FRMPD2: variants seen among roughly 807,000 people sequenced by gnomAD.
The protein encoded by FRMPD2 is FERM and PDZ domain containing 2.
Under a neutral mutation model 140.1 loss-of-function variants are expected in FRMPD2, and 96 were observed. That is an observed-to-expected ratio of 0.69 (90% confidence interval 0.58 to 0.81). The LOEUF is 0.81. Among genes scored for constraint, FRMPD2 ranks in the 40% least tolerant of loss-of-function variants. FRMPD2 has a pLI of 0.00. For missense variants in FRMPD2, 1,240 were observed against 1,447.4 expected, an observed-to-expected ratio of 0.86 and a Z score of 2.32; for synonymous variants, 449 against 547.6, an observed-to-expected ratio of 0.82 and a Z score of 2.52.
intron 15 of FRMPD2, among the ~76,000 whole-genome samples, chr10:48,194,349 A>G (rs932518954): frequency 2.0e-5 from 3 of 152,158 alleles, no homozygotes; most frequent in African/African-American, 7.2e-5. Flanking sequence ...CACGCTGGAA[A>G]ATGGGGATGC....
intron 10 of FRMPD2, among the ~76,000 whole-genome samples, chr10:48,225,907 T>C (rs1037716949): frequency 6.6e-6 from 1 of 152,202 alleles, no homozygotes; most frequent in Non-Finnish European, 1.5e-5. Flanking sequence ...TTTATAGGTC[T>C]GAAGGACATG....
At chr10:48,265,212 C>A (rs534458925) in intron 1 of FRMPD2, among the ~76,000 whole-genome samples, 1 of 152,104 alleles carries the variant, frequency 6.6e-6, no homozygotes, top group Non-Finnish European at 1.5e-5. Context: ...TAAAAATAAA[C>A]TCAAAATGGA....
chr10:48,212,301 AAG>A (rs1036737597), intron 12 of FRMPD2, among the ~76,000 whole-genome samples, 192 bp from the exon 13 acceptor site: 11 of 152,176 alleles, frequency 7.2e-5, no homozygotes, highest in African/African-American at 2.7e-4. Flanking sequence ...ATGAACAGAA[AAG>A]AGAGAGTAAA....
At chr10:48,211,656 C>T (rs967394249) in intron 13 of FRMPD2, among the ~76,000 whole-genome samples, 2 of 151,910 alleles carry the variant, frequency 1.3e-5, no homozygotes, top group African/African-American at 4.8e-5. Context: ...GTGGCAGGCG[C>T]CTGTAATCCC....
At chr10:48,228,300 T>C (rs1403736537) in intron 10 of FRMPD2, among the ~76,000 whole-genome samples, 5 of 151,988 alleles carry the variant, frequency 3.3e-5, no homozygotes, top group African/African-American at 9.6e-5. Context: ...TTTTCAACAA[T>C]GATTATGTTT....
At chr10:48,191,289 C>T (rs188769597) in intron 16 of FRMPD2, among the ~76,000 whole-genome samples, 24 of 152,276 alleles carry the variant, frequency 1.6e-4, no homozygotes, top group East Asian at 5.8e-4. Context: ...AGTCGTCTTG[C>T]GTCCTCTAGA....
rs150223064 is a variant in FRMPD2, at chr10:48,251,572, G to A, written c.145C>T (p.Arg49Cys). The A allele has an allele frequency of 3.3e-5, 54 of 1,614,146 alleles. No homozygotes were observed. Among genetic ancestry groups the A allele is most frequent in the African/African-American group, 1.5e-4 (11 of 75,028 alleles). The change falls in exon 2 of 29, where the codon CGC becomes TGC. Residue 49 changes from arginine (R) to cysteine (C), a missense_variant. Arg to Cys is a radical substitution (Grantham distance 180). Coordinates refer to ENST00000374201, the MANE Select transcript of FRMPD2 (RefSeq NM_001018071.4). ...LAAEQLLEDL[R>C]NDSSDYVVCP... ...CCCCCAAACACTCTCTTACCGTTGCGGAGGTCTTCCAGGAGCTGCTCAGCG... is the reference window on the plus strand; with the variant it reads ...CCCCCAAACACTCTCTTACCGTTGCAGAGGTCTTCCAGGAGCTGCTCAGCG...
At chr10:48,250,204 C>G (rs972293267) in intron 2 of FRMPD2, among the ~76,000 whole-genome samples, 2 of 152,142 alleles carry the variant, frequency 1.3e-5, no homozygotes. Flanking sequence ...ACCTGGCCAC[C>G]GGTGGCTATT....
chr10:48,271,046 G>A (rs940902144), intron 1 of FRMPD2, among the ~76,000 whole-genome samples: 6 of 152,110 alleles, frequency 3.9e-5, no homozygotes, highest in Non-Finnish European at 8.8e-5. Flanking sequence ...GTCACACCTC[G>A]TGAAAACTTT....
chr10:48,185,146 G>A (rs1838648976), intron 18 of FRMPD2, among the ~76,000 whole-genome samples: 1 of 152,154 alleles, frequency 6.6e-6, no homozygotes, highest in Non-Finnish European at 1.5e-5. Flanking sequence ...AGTAGATAAT[G>A]AGACATAGGA....
intron 15 of FRMPD2, among the ~76,000 whole-genome samples, chr10:48,200,176 AT>A (rs1839049777): frequency 6.8e-6 from 1 of 147,954 alleles, no homozygotes; most frequent in Non-Finnish European, 1.5e-5. Context: ...AAATAAATAA[AT>A]AAATAAATAA....
rs1478356376 is a variant in FRMPD2 at position 48,249,155 on chromosome 10, G to T, written c.175C>A (p.Pro59Thr). ...GCTGCAGAAAGCAGGGCTGACCAGGGGCAAACCACATAGTCCGAGGAATCT... is the reference window on the plus strand; with the variant it reads ...GCTGCAGAAAGCAGGGCTGACCAGGTGCAAACCACATAGTCCGAGGAATCT... ...RNDSSDYVVC[P>T]WSALLSAAGS... is the part of the protein sequence containing the mutation. The change falls in exon 3 of 29, where the codon CCC (proline) becomes ACC (threonine). Residue 59 changes from proline (P) to threonine (T), a missense_variant. Physicochemically the swap from Pro to Thr is conservative, Grantham distance 38 (BLOSUM62 -1). Transcript: ENST00000374201. 6.2e-7 allele frequency: 1 copy of T among 1,613,976 alleles called. No individual in the cohort carries two copies. The highest frequency in any genetic ancestry group is 1.7e-5 in the Admixed American group (1 of 59,994).
chr10:48,223,201 T>G lies in FRMPD2; in HGVS notation c.1238A>C (p.Gln413Pro), dbSNP rs771954072. Residue 413 changes from glutamine (Q) to proline (P), a missense_variant, in exon 11 of 29, where the codon CAG becomes CCG. Around this residue, in one of 6 missense-constraint regions of FRMPD2, gnomAD observed 1,161 missense variants for 1,055.9 expected, o/e 1.10. Transcript: ENST00000374201. The part of the protein sequence containing the change: ...CKIAPEGWRE[Q>P]PQKTSMNTFT... ...GGTATTCATGGAGGTCTTCTGAGGC[T>G]GCTCTCTCCAGCCTTCAGGAGCTAT... The G allele has an allele frequency of 3.7e-6, 6 of 1,614,064 alleles. No individual in the cohort carries two copies. In the Admixed American group the frequency reaches 1.0e-4, roughly 27 times the overall value.
chr10:48,201,480 C>T (rs967926883), intron 14 of FRMPD2, 96 bp from the exon 15 acceptor site: 3 of 1,157,336 alleles, frequency 2.6e-6, no homozygotes, highest in Non-Finnish European at 3.7e-6. Flanking sequence ...TGGTTCCACA[C>T]CCTGTAGCAG....
chr10:48,191,571 G>T (rs1238491881), intron 16 of FRMPD2, among the ~76,000 whole-genome samples: 3 of 152,024 alleles, frequency 2.0e-5, no homozygotes, highest in African/African-American at 7.3e-5. Flanking sequence ...CAGAATTGGG[G>T]GCAATAATTA....
rs1230156007 is a variant in FRMPD2 at position 48,222,430 on chromosome 10, C to G, written c.1338G>C (p.Gln446His). The G allele has an allele frequency of 1.2e-6, 2 of 1,614,128 alleles. No homozygotes were observed. ...GLLQHSLTRHQFYLQLRKDIL... is the reference protein window; with the variant it reads ...GLLQHSLTRHHFYLQLRKDIL... ...TATCTTTCCGAAGCTGCAGGTAAAA[C>G]TGGTGCCTTGTCAGGCTGTGCCTGG... Residue 446 changes from glutamine to histidine, a missense_variant, in exon 12 of 29, where the codon CAG (glutamine) becomes CAC (histidine). Transcript: ENST00000374201.
intron 12 of FRMPD2, among the ~76,000 whole-genome samples, chr10:48,213,757 T>G (rs1052397374): frequency 6.6e-6 from 1 of 152,158 alleles, no homozygotes; most frequent in Admixed American, 6.5e-5. Context: ...CATAACTATA[T>G]GATATTCTGG....
At chr10:48,270,374 A>T (rs1323155244) in intron 1 of FRMPD2, among the ~76,000 whole-genome samples, 13 of 152,188 alleles carry the variant, frequency 8.5e-5, no homozygotes, top group Admixed American at 8.5e-4. Flanking sequence ...AAGCCAAGGG[A>T]TGTCCATTCC....
At position 48,186,996 on chromosome 10, in the gene FRMPD2, A is replaced by G. The variant is rs144025943; in HGVS notation, c.2266+196T>C. Among the ~76,000 whole-genome samples, 14 of 152,234 alleles carry G rather than the reference A, an allele frequency of 9.2e-5. No individual in the cohort carries two copies. In the East Asian group the frequency reaches 2.7e-3, roughly 29 times the overall value. ...GGATTGTCTTCGCCAGAGCTGACAC[A>G]TTTCAGATCCTCATACCCAGCCAAA... On this transcript the variant is annotated intron_variant, in intron 17 of 28. Coordinates refer to ENST00000374201, the MANE Select transcript of FRMPD2 (RefSeq NM_001018071.4).
Sources: allele counts gnomAD v4.1 joint callset (sites outside exome capture counted in the v4.1 genomes callset), GRCh38; gene constraint gnomAD v4.1.1; regional missense constraint gnomAD v4.1.1; transcripts MANE v1.5; gene names NCBI Gene and HGNC (gene_info 2026-07-23, HGNC 2026-07-21).